Variants in TXNRD1 observed in about 807,000 individuals in gnomAD.
TXNRD1 encodes the protein thioredoxin reductase 1, cytoplasmic.
Under a neutral mutation model 80.3 loss-of-function variants are expected in TXNRD1, and 57 were observed. That is an observed-to-expected ratio of 0.71 (90% CI 0.57 to 0.89). The LOEUF (loss-of-function observed/expected upper bound fraction) is 0.89, where lower values mean the gene tolerates loss of function less well. TXNRD1 is among the 40% of genes least tolerant of loss of function. The pLI, the probability that TXNRD1 is intolerant of heterozygous loss-of-function variation, is 0.00. For synonymous variants in TXNRD1, 291 were observed against 285.2 expected, an observed-to-expected ratio of 1.02 and a Z score of -0.20; for missense variants, 730 against 803.0, an observed-to-expected ratio of 0.91 and a Z score of 1.10.
intron 9 of TXNRD1, among the ~76,000 whole-genome samples, chr12:104,320,055 C>A (rs920162643): frequency 2.6e-5 from 4 of 152,198 alleles, no homozygotes; most frequent in African/African-American, 9.6e-5. Flanking sequence ...AGAATCTAGA[C>A]CCTACTCAAT....
chr12:104,235,392 C>T (rs892698280), intron 1 of TXNRD1, among the ~76,000 whole-genome samples: 1 of 152,084 alleles, frequency 6.6e-6, no homozygotes. Context: ...GGTTGTTTAC[C>T]GTACCTAGGG....
chr12:104,254,644 A>AAAATATATATATATATATAT lies in TXNRD1; in HGVS notation c.243+2967_243+2968insAATATATATATATATATATA. Reference sequence around the variant, plus strand: ...CTATGTCTATGGAAAAAAAAAAAAAAATATATATATATATATATATATCAG... The same window carrying AAAATATATATATATATATAT: ...CTATGTCTATGGAAAAAAAAAAAAAAAAATATATATATATATATATATATATATATATATATATATATCAG... On this transcript the variant is annotated intron_variant, in intron 2 of 16. Coordinates refer to ENST00000525566, the MANE Select transcript of TXNRD1 (RefSeq NM_001093771.3). Among the ~76,000 whole-genome samples the AAAATATATATATATATATAT allele has an allele frequency of 3.2e-5, 3 of 93,638 alleles. 1 individual carries two copies. The highest frequency in any genetic ancestry group is 2.7e-4 in the East Asian group (1 of 3,678). 61.4% of individuals were successfully genotyped at this position (93,638 alleles called of 152,430 possible).
At chr12:104,288,082 C>T (rs2034035866) in intron 3 of TXNRD1, among the ~76,000 whole-genome samples, 1 of 152,148 alleles carries the variant, frequency 6.6e-6, no homozygotes, top group Admixed American at 6.5e-5. Flanking sequence ...CCTTCGCCCC[C>T]TGGGTTCAAG....
chr12:104,261,582 CTCCTTT>C (rs1193389439), intron 3 of TXNRD1, among the ~76,000 whole-genome samples: 2 of 152,130 alleles, frequency 1.3e-5, no homozygotes, highest in Non-Finnish European at 2.9e-5. Context: ...TATTAAATTT[CTCCTTT>C]TCCAACTACT....
intron 3 of TXNRD1, among the ~76,000 whole-genome samples, chr12:104,275,758 G>C (rs1308927813): frequency 6.6e-6 from 1 of 152,170 alleles, no homozygotes; most frequent in African/African-American, 2.4e-5. Flanking sequence ...TGTAAAAGGG[G>C]AAAATCCAAA....
intron 4 of TXNRD1, among the ~76,000 whole-genome samples, chr12:104,310,378 A>G (rs1415922106): frequency 6.6e-6 from 1 of 152,144 alleles, no homozygotes; most frequent in African/African-American, 2.4e-5. Context: ...CAAACTCCTG[A>G]CTTCAAGTGA....
At chr12:104,304,155 A>C in intron 4 of TXNRD1, 1 of 1,614,084 alleles carries the variant, frequency 6.2e-7, no homozygotes, top group Non-Finnish European at 8.5e-7. Flanking sequence ...GAGGAAGCCA[A>C]CGTCCTCTTT....
intron 1 of TXNRD1, among the ~76,000 whole-genome samples, chr12:104,240,750 A>ATTTTTTTTTTTTTTTTT (rs11422135): frequency 1.4e-5 from 2 of 142,994 alleles, no homozygotes; most frequent in Non-Finnish European, 3.0e-5. Flanking sequence ...TCTTTGTGGA[A>ATTTTTTTTTTTTTTTTT]TTTTTTTTTT....
chr12:104,315,873 A>G lies in TXNRD1; in HGVS notation c.707A>G (p.Tyr236Cys), dbSNP rs2035308725. The G allele has an allele frequency of 1.2e-6, 2 of 1,611,250 alleles. No homozygotes were observed. Among genetic ancestry groups the G allele is most frequent in the Non-Finnish European group, 1.7e-6 (2 of 1,178,200 alleles). The change falls in exon 7 of 17, where the codon TAT (tyrosine) becomes TGT (cysteine). Residue 236 changes from tyrosine (Y) to cysteine (C), a missense_variant. Physicochemically the swap from Tyr to Cys is radical, Grantham distance 194. Coordinates refer to ENST00000525566, the MANE Select transcript of TXNRD1 (RefSeq NM_001093771.3). ...LGQALQDSRN[Y>C]GWKVEETVKH... ...CAAGCCCTGCAAGACTCTCGAAATT[A>G]TGGATGGAAAGTCGAGGAGACAGGT...
intron 16 of TXNRD1, among the ~76,000 whole-genome samples, chr12:104,340,362 A>G (rs918693271): frequency 6.6e-6 from 1 of 152,196 alleles, no homozygotes; most frequent in African/African-American, 2.4e-5. Flanking sequence ...GAAGGAGCCA[A>G]TTAACTTTGC....
intron 3 of TXNRD1, among the ~76,000 whole-genome samples, chr12:104,269,853 G>C (rs2033616654): frequency 6.6e-6 from 1 of 151,916 alleles, no homozygotes; most frequent in Admixed American, 6.6e-5. Flanking sequence ...ACAGGTGTGA[G>C]CCCCCGCGCC....
At chr12:104,346,195 T>C (rs1013264182) in intron 16 of TXNRD1, 3 of 261,350 alleles carry the variant, frequency 1.1e-5, no homozygotes, top group Non-Finnish European at 2.3e-5. Context: ...ATATATATAT[T>C]TGAGACAGGG....
At chr12:104,249,750 A>G (rs762375487) in intron 1 of TXNRD1, among the ~76,000 whole-genome samples, 16 of 151,922 alleles carry the variant, frequency 1.1e-4, no homozygotes, top group East Asian at 3.9e-4. Flanking sequence ...CCTGGCTAAC[A>G]TGGTGAAACC....
At chr12:104,289,100 C>A in intron 4 of TXNRD1, 60 bp downstream of exon 4, 2 of 1,557,476 alleles carry the variant, frequency 1.3e-6, no homozygotes, top group South Asian at 2.3e-5. Flanking sequence ...TCAGCGTGGT[C>A]ACAGCCTGCC....
At chr12:104,218,624 C>T (rs886309024) in intron 1 of TXNRD1, among the ~76,000 whole-genome samples, 94 of 147,612 alleles carry the variant, frequency 6.4e-4, no homozygotes, top group African/African-American at 2.1e-3. Context: ...TCTTTTCTTT[C>T]TTTTTTTTTT....
chr12:104,269,493 G>A (rs117114187), intron 3 of TXNRD1, among the ~76,000 whole-genome samples: 3,742 of 148,338 alleles, frequency 0.025, 130 homozygotes, highest in East Asian at 0.19. Flanking sequence ...TCAACCTCCC[G>A]GGCTCAAGTG....
At chr12:104,303,744 C>G (rs1678323745) in intron 4 of TXNRD1, 7 of 949,724 alleles carry the variant, frequency 7.4e-6, no homozygotes, top group Non-Finnish European at 8.8e-6. Flanking sequence ...TGCGCATGGG[C>G]GGGCGTCCTC....
intron 15 of TXNRD1, 39 bp from the exon 16 acceptor site, chr12:104,339,100 A>G (rs1377732119): frequency 1.2e-6 from 2 of 1,610,902 alleles, no homozygotes; most frequent in Non-Finnish European, 1.7e-6. Context: ...GGGGAGAAAA[A>G]TCAGCTTAAT....
At chr12:104,272,604 C>T (rs1213485862) in intron 3 of TXNRD1, among the ~76,000 whole-genome samples, 1 of 151,998 alleles carries the variant, frequency 6.6e-6, no homozygotes, top group Non-Finnish European at 1.5e-5. Flanking sequence ...ACCATCCTGG[C>T]TATGGTGAAA....
Sources: allele counts gnomAD v4.1 joint callset (sites outside exome capture counted in the v4.1 genomes callset), GRCh38; gene constraint gnomAD v4.1.1; transcripts MANE v1.5; gene names NCBI Gene and HGNC (gene_info 2026-07-23, HGNC 2026-07-21).